SRSF10: variants seen among roughly 807,000 people sequenced by gnomAD.
SRSF10 encodes serine/arginine-rich splicing factor 10.
Under a neutral mutation model 32.6 loss-of-function variants are expected in SRSF10, and 9 were observed. That is an observed-to-expected ratio of 0.28 (90% CI 0.17 to 0.48). The LOEUF (loss-of-function observed/expected upper bound fraction) is 0.48, where lower values mean the gene tolerates loss of function less well. SRSF10 is among the 20% of genes least tolerant of loss of function. The pLI is 0.99. For synonymous variants in SRSF10, 105 were observed against 112.4 expected (o/e 0.93, Z 0.42); for missense variants, 201 against 331.8 (o/e 0.61, Z 3.06).
At position 23,970,595 on chromosome 1, in the gene SRSF10, G is replaced by A; in HGVS notation, c.*547C>T. 3 of 851,276 alleles carry A rather than the reference G, an allele frequency of 3.5e-6. No individual in the cohort carries two copies. The highest frequency in any genetic ancestry group is 2.8e-6 in the Non-Finnish European group (2 of 707,876). The allele number at this position is 851,276 out of a possible 1,614,324, so 52.7% of individuals were successfully genotyped here. ...AGGCTGGTCTCGAACTCCTGACCTCGTGATCCGCCCGCCTCGGCCTCCCAA... is the reference window on the plus strand; with the variant it reads ...AGGCTGGTCTCGAACTCCTGACCTCATGATCCGCCCGCCTCGGCCTCCCAA... On this transcript the variant is annotated 3_prime_UTR_variant, in exon 6 of 6. Transcript: ENST00000492112.
At chr1:23,976,241 G>A (rs1361713043) in intron 2 of SRSF10, 1 of 152,158 alleles carries the variant, frequency 6.6e-6, no homozygotes, top group Non-Finnish European at 1.5e-5. Flanking sequence ...TCCCTGAAGT[G>A]ACACACTCCT....
intron 1 of SRSF10, 132 bp from the exon 2 acceptor site, chr1:23,978,949 A>T (rs1642242090): frequency 3.2e-6 from 2 of 619,218 alleles, no homozygotes; most frequent in African/African-American, 3.7e-5. Flanking sequence ...CATTAACAGG[A>T]CAACAGCAGA....
intron 2 of SRSF10, chr1:23,978,195 C>T (rs1310045080): frequency 1.0e-6 from 1 of 985,290 alleles, no homozygotes; most frequent in Non-Finnish European, 1.2e-6. Flanking sequence ...GTCTACTTGC[C>T]TTAAGTGTTG....
rs1439003831 is a variant in SRSF10 at position 23,978,031 on chromosome 1, T to C, written c.170+682A>G. ...TGGCCAAATATGACAGATGGCTTTA[T>C]CTTTAACTTTGAAAAACAACCTTTT... On this transcript the variant is annotated intron_variant, in intron 2 of 5. Coordinates refer to ENST00000492112, the MANE Select transcript of SRSF10 (RefSeq NM_054016.4). 4.1e-6 allele frequency: 4 copies of C among 985,316 alleles called. No homozygotes were observed. The African/African-American group carries it at 5.2e-5, about 13-fold the overall frequency. 61.0% of individuals were successfully genotyped at this position (985,316 alleles called of 1,614,324 possible).
chr1:23,975,337 AT>A (rs1429233525), intron 2 of SRSF10: 1 of 364,320 alleles, frequency 2.7e-6, no homozygotes. Context: ...AAGATCTGTT[AT>A]AGCTGAATCA....
Position 23,971,175 on chromosome 1 carries a change from C to A in SRSF10, c.756G>T (p.Arg252Ser). ...CACTGGACTTAGGACTAGTCCAAGA[C>A]CTTGATCTAGATTTTGACCTAGACC... ...QSRSRSKSRS[R>S]SWTSPKSSGH Residue 252 changes from arginine to serine, a missense_variant, in exon 6 of 6, where the codon AGG (arginine) becomes AGT (serine). Coordinates refer to ENST00000492112, the MANE Select transcript of SRSF10 (RefSeq NM_054016.4). 6.2e-7 allele frequency: 1 copy of A among 1,613,646 alleles called. No individual in the cohort carries two copies. The highest frequency in any genetic ancestry group is 8.5e-7 in the Non-Finnish European group (1 of 1,179,882).
intron 1 of SRSF10, chr1:23,979,096 C>T (rs377301403): frequency 2.4e-4 from 44 of 180,028 alleles, no homozygotes; most frequent in African/African-American, 1.0e-3. Flanking sequence ...ATCAAATCGA[C>T]TCTAGCACTC....
In SRSF10 at chr1:23,971,853, C is replaced by G. The variant is rs1361676905; in HGVS notation, c.434G>C (p.Arg145Thr). The change falls in exon 4 of 6, where the codon AGA (arginine) becomes ACA (threonine). Residue 145 changes from arginine (R) to threonine (T), a missense_variant. Coordinates refer to ENST00000492112, the MANE Select transcript of SRSF10 (RefSeq NM_054016.4). ...DYNYRRSYSP[R>T]NSRPTGRPRR... is the part of the protein sequence containing the mutation. ...CTGTGCTACACAGCACACTTACTTT[C>G]TAGGACTATACGATCTTCTATAGTT... 1.9e-6 allele frequency: 3 copies of G among 1,605,110 alleles called. No homozygotes were observed. Among genetic ancestry groups the G allele is most frequent in the Non-Finnish European group, 2.5e-6 (3 of 1,177,436 alleles).
In SRSF10 at chr1:23,966,396, T is replaced by C. The variant is rs550366285; in HGVS notation, c.*4746A>G. ...AATCAAATGTGATGAAATCAATGTA[T>C]AGGTAAAGAAACATCATATCCTAAT... On this transcript the variant is annotated 3_prime_UTR_variant, in exon 6 of 6. Coordinates refer to ENST00000492112, the MANE Select transcript of SRSF10 (RefSeq NM_054016.4). The C allele has an allele frequency of 2.6e-5, 4 of 152,102 alleles. No individual in the cohort carries two copies. Among genetic ancestry groups the C allele is most frequent in the African/African-American group, 9.6e-5 (4 of 41,542 alleles). 9.4% of individuals were successfully genotyped at this position (152,102 alleles called of 1,614,324 possible).
At position 23,971,877 on chromosome 1, in the gene SRSF10, T is replaced by C. The variant is rs760967349; in HGVS notation, c.410A>G (p.Asn137Ser). The C allele has an allele frequency of 2.2e-5, 35 of 1,609,254 alleles. No individual in the cohort carries two copies. Among genetic ancestry groups the C allele is most frequent in the Non-Finnish European group, 2.7e-5 (32 of 1,178,674 alleles). Residue 137 changes from asparagine to serine, a missense_variant, in exon 4 of 6, where the codon AAC becomes AGC. Asn to Ser is a conservative substitution (Grantham distance 46, BLOSUM62 1). Coordinates refer to ENST00000492112, the MANE Select transcript of SRSF10 (RefSeq NM_054016.4). The stretch of plus-strand genomic sequence containing the variant: ...TCTAGGACTATACGATCTTCTATAG[T>C]TGTAATCAAAAGACCGACTTCTTGA... ...RRSRSRSFDY[N>S]YRRSYSPRNS...
At position 23,964,387 on chromosome 1, in the gene SRSF10, T is replaced by C. The variant is rs1289507202; in HGVS notation, c.*6755A>G. Reference sequence around the variant, plus strand: ...AGTTTTGGTTAGCCTATATAGAGAATGGTGATAGGAATTTCCCAAGTCGAT... The same window carrying C: ...AGTTTTGGTTAGCCTATATAGAGAACGGTGATAGGAATTTCCCAAGTCGAT... On this transcript the variant is annotated 3_prime_UTR_variant, in exon 6 of 6. Coordinates refer to ENST00000492112, the MANE Select transcript of SRSF10 (RefSeq NM_054016.4). Among the ~76,000 whole-genome samples, 3 of 150,874 alleles carry C rather than the reference T, an allele frequency of 2.0e-5. No homozygotes were observed. Among genetic ancestry groups the C allele is most frequent in the Non-Finnish European group, 4.4e-5 (3 of 67,770 alleles).
At position 23,967,903 on chromosome 1, in the gene SRSF10, A is replaced by C; in HGVS notation, c.*3239T>G. On this transcript the variant is annotated 3_prime_UTR_variant, in exon 6 of 6. Transcript: ENST00000492112. ...CTTAACAGCTCATACTCTATGTAGC[A>C]CCTTTCCTCTCTCACTGAAGCATTA... The C allele has an allele frequency of 6.5e-7, 1 of 1,548,162 alleles. No homozygotes were observed. The highest frequency in any genetic ancestry group is 8.7e-7 in the Non-Finnish European group (1 of 1,146,422).
intron 3 of SRSF10, among the ~76,000 whole-genome samples, chr1:23,972,748 CTTT>C: frequency 6.8e-6 from 1 of 146,520 alleles, no homozygotes; most frequent in Admixed American, 6.8e-5. Context: ...AGCCTGGAGT[CTTT>C]TTTTTTTGAG....
In SRSF10 at chr1:23,980,306, G is replaced by C. The variant is rs1161542623; in HGVS notation, c.-51C>G. 6 of 1,386,624 alleles carry C rather than the reference G, an allele frequency of 4.3e-6. No individual in the cohort carries two copies. Among genetic ancestry groups the C allele is most frequent in the Non-Finnish European group, 5.6e-6 (6 of 1,062,026 alleles). 85.9% of individuals were successfully genotyped at this position (1,386,624 alleles called of 1,614,324 possible). On this transcript the variant is annotated 5_prime_UTR_variant, in exon 1 of 6. Transcript: ENST00000492112. ...CACTAACGGGCTCAGCAAACCGTCC[G>C]CGGCTCAGGCGGCCGAGCCTCAGAC...
intron 1 of SRSF10, chr1:23,979,039 A>T (rs2148513711): frequency 1.2e-5 from 2 of 162,150 alleles, no homozygotes; most frequent in Non-Finnish European, 2.6e-5. Flanking sequence ...CAGCAGCATT[A>T]GGTTGTATAT....
chr1:23,970,450 T>A lies in SRSF10; in HGVS notation c.*692A>T, dbSNP rs1313911999. 1.4e-6 allele frequency: 1 copy of A among 718,870 alleles called. No individual in the cohort carries two copies. Among genetic ancestry groups the A allele is most frequent in the African/African-American group, 2.0e-5 (1 of 50,586 alleles). 44.5% of individuals were successfully genotyped at this position (718,870 alleles called of 1,614,324 possible). On this transcript the variant is annotated 3_prime_UTR_variant, in exon 6 of 6. Transcript: ENST00000492112. ...ATTTTGGCTCACTGCAACTTCTACCTCCCAGGTTCAAGCGATTCTCTTGCC... is the reference window on the plus strand; with the variant it reads ...ATTTTGGCTCACTGCAACTTCTACCACCCAGGTTCAAGCGATTCTCTTGCC...
rs964437951 is a variant in SRSF10, at chr1:23,966,313, A to G, written c.*4829T>C. 7 of 152,052 alleles carry G rather than the reference A, an allele frequency of 4.6e-5. No individual in the cohort carries two copies. The South Asian group carries it at 1.0e-3, about 23-fold the overall frequency. The allele number at this position is 152,052 out of a possible 1,614,324, so 9.4% of individuals were successfully genotyped here. On this transcript the variant is annotated 3_prime_UTR_variant, in exon 6 of 6. Transcript: ENST00000492112. Reference sequence around the variant, plus strand: ...AATTAAAAGCTTAAATTCCACTTCCAGATTTTTAGTTAATTTTATATGGAA... The same window carrying G: ...AATTAAAAGCTTAAATTCCACTTCCGGATTTTTAGTTAATTTTATATGGAA...
Position 23,971,453 on chromosome 1 carries a change from G to T in SRSF10, c.492-14C>A. 1 of 1,601,744 alleles carries T rather than the reference G, an allele frequency of 6.2e-7. No homozygotes were observed. Among genetic ancestry groups the T allele is most frequent in the Non-Finnish European group, 8.5e-7 (1 of 1,176,336 alleles). ...CGGTGTTTGAATCTTTCAAAACAGA[G>T]GAGAGATATAATTAGAGTAAAAATT... On this transcript the variant is annotated splice_polypyrimidine_tract_variant and intron_variant, in intron 5 of 5. Coordinates refer to ENST00000492112, the MANE Select transcript of SRSF10 (RefSeq NM_054016.4).
Position 23,967,804 on chromosome 1 carries a change from G to C in SRSF10, c.*3338C>G. The C allele has an allele frequency of 6.3e-7, 1 of 1,588,820 alleles. No homozygotes were observed. Among genetic ancestry groups the C allele is most frequent in the Non-Finnish European group, 8.6e-7 (1 of 1,165,222 alleles). On this transcript the variant is annotated 3_prime_UTR_variant, in exon 6 of 6. Coordinates refer to ENST00000492112, the MANE Select transcript of SRSF10 (RefSeq NM_054016.4). ...ATACAGGATTTTGTTAGTTGAACTGGATGTAGCAGCTTACTGGGCCAAATT... is the reference window on the plus strand; with the variant it reads ...ATACAGGATTTTGTTAGTTGAACTGCATGTAGCAGCTTACTGGGCCAAATT...
Sources: gnomAD v4.1 joint callset for allele counts (sites outside exome capture counted in the v4.1 genomes callset) on GRCh38, gnomAD v4.1.1 for gene constraint, MANE v1.5 for transcripts, NCBI Gene and HGNC (gene_info 2026-07-23, HGNC 2026-07-21) for gene names.